The following C12orf56 variants were observed in gnomAD, a reference collection of about 807,000 sequenced individuals.
The protein encoded by C12orf56 is chromosome 12 open reading frame 56.
C12orf56 carries 71 observed loss-of-function variants against 69.9 expected under a neutral mutation model. The observed-to-expected ratio is 1.02, with a 90% CI of 0.84 to 1.24. The LOEUF (loss-of-function observed/expected upper bound fraction) is 1.24, where lower values mean the gene tolerates loss of function less well. C12orf56 is among the 50% of genes most tolerant of loss of function. C12orf56 has a pLI of 0.00. For synonymous variants in C12orf56, 276 were observed against 274.1 expected, an observed-to-expected ratio of 1.01 and a Z score of -0.07; for missense variants, 732 against 738.5, an observed-to-expected ratio of 0.99 and a Z score of 0.10.
intron 2 of C12orf56, 57 bp downstream of exon 2, chr12:64,352,837 T>G: frequency 7.7e-7 from 1 of 1,299,302 alleles, no homozygotes; most frequent in African/African-American, 1.5e-5. Context: ...TTTTAAGAAA[T>G]ATATATATAT....
intron 2 of C12orf56, among the ~76,000 whole-genome samples, chr12:64,339,397 T>G (rs1425128484): frequency 6.6e-6 from 1 of 152,098 alleles, no homozygotes; most frequent in African/African-American, 2.4e-5. Context: ...AGGATTATAT[T>G]CAGGAATAGC....
At chr12:64,280,665 C>T (rs2038109744) in intron 8 of C12orf56, among the ~76,000 whole-genome samples, 1 of 152,176 alleles carries the variant, frequency 6.6e-6, no homozygotes. Flanking sequence ...AGAAGATTAT[C>T]CAGAGTAGGC....
chr12:64,312,564 G>A (rs530372487), intron 5 of C12orf56, 115 bp downstream of exon 5: 5 of 738,510 alleles, frequency 6.8e-6, no homozygotes, highest in Non-Finnish European at 1.1e-5. Flanking sequence ...AGCCAAGACT[G>A]TGCCACTGCA....
intron 6 of C12orf56, among the ~76,000 whole-genome samples, chr12:64,293,742 A>G (rs1158130225): frequency 2.6e-5 from 4 of 152,228 alleles, no homozygotes; most frequent in Admixed American, 2.0e-4. Context: ...ATATTATGCC[A>G]AAAGAAGCCA....
chr12:64,354,333 T>C (rs914641846), intron 1 of C12orf56, among the ~76,000 whole-genome samples: 1 of 152,178 alleles, frequency 6.6e-6, no homozygotes, highest in Non-Finnish European at 1.5e-5. Context: ...TCAGCTACTC[T>C]GGAGGCAGAG....
At chr12:64,297,856 G>A (rs2038387888) in intron 6 of C12orf56, among the ~76,000 whole-genome samples, 2 of 152,186 alleles carry the variant, frequency 1.3e-5, no homozygotes, top group South Asian at 4.1e-4. Context: ...ACATGTGCAT[G>A]TGTCTTTATA....
Position 64,373,705 on chromosome 12 carries a change from G to A in C12orf56, c.252+16609C>T, listed in dbSNP as rs56015728. 9.5e-3 allele frequency among the ~76,000 whole-genome samples: 1,446 copies of A among 152,302 alleles called. 25 individuals are homozygous for A. The highest frequency in any genetic ancestry group is 0.033 in the African/African-American group (1,364 of 41,558). ...TTTGTTGTAATTTAATGAGTCACCT[G>A]ATCTGAGAGTATTTCAAAGAATCTA... On this transcript the variant is annotated intron_variant, in intron 1 of 12. Coordinates refer to ENST00000543942, the MANE Select transcript of C12orf56 (RefSeq NM_001170633.2).
chr12:64,279,106 G>T (rs1195504378), intron 8 of C12orf56, among the ~76,000 whole-genome samples: 1 of 151,858 alleles, frequency 6.6e-6, no homozygotes, highest in Non-Finnish European at 1.5e-5. Context: ...TAAACATAAA[G>T]ATGGGGTCTT....
At chr12:64,299,221 G>A (rs949442339) in intron 6 of C12orf56, among the ~76,000 whole-genome samples, 2 of 152,154 alleles carry the variant, frequency 1.3e-5, no homozygotes, top group African/African-American at 4.8e-5. Context: ...TGTGATTTTT[G>A]TGCATTGATT....
At chr12:64,374,233 C>T (rs532954314) in intron 1 of C12orf56, among the ~76,000 whole-genome samples, 1 of 152,300 alleles carries the variant, frequency 6.6e-6, no homozygotes, top group Non-Finnish European at 1.5e-5. Context: ...CTTGAAAAAT[C>T]ATTGCCTCGG....
At chr12:64,348,212 A>G (rs1162524162) in intron 2 of C12orf56, among the ~76,000 whole-genome samples, 2 of 152,214 alleles carry the variant, frequency 1.3e-5, no homozygotes, top group Non-Finnish European at 2.9e-5. Flanking sequence ...TGGGAGGCAG[A>G]AGTTGCAGTG....
intron 1 of C12orf56, among the ~76,000 whole-genome samples, chr12:64,378,286 C>T (rs1157827669): frequency 1.3e-5 from 2 of 152,150 alleles, no homozygotes; most frequent in Non-Finnish European, 2.9e-5. Flanking sequence ...TGAAAAGTGG[C>T]ATGTATCAGT....
intron 1 of C12orf56, among the ~76,000 whole-genome samples, chr12:64,372,307 C>CA (rs757770740): frequency 7.3e-5 from 11 of 151,064 alleles, no homozygotes; most frequent in East Asian, 1.9e-4. Flanking sequence ...TACCTTTGTT[C>CA]AAAAAAAACC....
intron 12 of C12orf56, 101 bp from the exon 13 acceptor site, chr12:64,267,389 T>C: frequency 1.1e-6 from 1 of 889,464 alleles, no homozygotes; most frequent in Non-Finnish European, 1.7e-6. Flanking sequence ...GGTTGTTGGG[T>C]GTGGGAATCT....
At chr12:64,380,119 A>AC (rs2039696759) in intron 1 of C12orf56, among the ~76,000 whole-genome samples, 1 of 87,602 alleles carries the variant, frequency 1.1e-5, no homozygotes, top group African/African-American at 3.4e-5. Context: ...AAAAAAAAAA[A>AC]AAAAAAAAAA....
intron 3 of C12orf56, among the ~76,000 whole-genome samples, chr12:64,328,726 T>A (rs56070736): frequency 3.7e-5 from 2 of 53,828 alleles, no homozygotes; most frequent in Non-Finnish European, 7.6e-5. Context: ...TATATATATA[T>A]ATATATATAT....
rs550305795 is a variant in C12orf56 at position 64,337,156 on chromosome 12, T to C, written c.416-6124A>G. 7.2e-5 allele frequency among the ~76,000 whole-genome samples: 11 copies of C among 152,312 alleles called. No homozygotes were observed. In the South Asian group the frequency reaches 1.7e-3, roughly 23 times the overall value. On this transcript the variant is annotated intron_variant, in intron 2 of 12. Transcript: ENST00000543942. ...AGGCTCATATATCAACATATCTATA[T>C]AGATATAGATATACAGATATGTCTG...
At chr12:64,379,433 C>A (rs929354465) in intron 1 of C12orf56, among the ~76,000 whole-genome samples, 1 of 151,900 alleles carries the variant, frequency 6.6e-6, no homozygotes, top group Non-Finnish European at 1.5e-5. Context: ...CACAGGTGCC[C>A]GCCACCATGC....
chr12:64,364,881 G>A (rs963989777), intron 1 of C12orf56, among the ~76,000 whole-genome samples: 1 of 152,002 alleles, frequency 6.6e-6, no homozygotes, highest in Non-Finnish European at 1.5e-5. Flanking sequence ...CCTCCTTTGG[G>A]CACTGCATGG....
Sources: allele counts gnomAD v4.1 joint callset (sites outside exome capture counted in the v4.1 genomes callset), GRCh38; gene constraint gnomAD v4.1.1; transcripts MANE v1.5; gene names NCBI Gene and HGNC (gene_info 2026-07-23, HGNC 2026-07-21).